The following IL20RA variants were observed in gnomAD, a reference collection of about 807,000 sequenced individuals.
The protein encoded by IL20RA is interleukin 20 receptor subunit alpha.
In IL20RA, 29 loss-of-function variants were observed where a neutral mutation model predicts 36.5. The ratio of observed to expected loss-of-function variants is 0.79; its 90% CI spans 0.59 to 1.08. The LOEUF (loss-of-function observed/expected upper bound fraction) is 1.08. Among genes scored for constraint, IL20RA ranks in the 50% least tolerant of loss-of-function variants. The probability of loss-of-function intolerance (pLI) is 0.00; values close to 1 mark genes in which losing one functional copy is unlikely to be tolerated. For synonymous variants in IL20RA, 279 were observed against 267.1 expected (o/e 1.04, Z -0.43); for missense variants, 652 against 668.4 (o/e 0.98, Z 0.27).
intron 1 of IL20RA, among the ~76,000 whole-genome samples, chr6:137,042,258 T>G (rs1776722985): frequency 6.6e-6 from 1 of 152,004 alleles, no homozygotes. Context: ...AATTAGGTGG[T>G]GTGAGATAAG....
chr6:137,021,995 G>A (rs530202991), intron 1 of IL20RA, among the ~76,000 whole-genome samples: 37 of 152,094 alleles, frequency 2.4e-4, no homozygotes, highest in Non-Finnish European at 4.9e-4. Context: ...CACACAGCTA[G>A]TAAGTGGAGG....
At chr6:137,041,631 T>C (rs1776695831) in intron 1 of IL20RA, among the ~76,000 whole-genome samples, 1 of 152,128 alleles carries the variant, frequency 6.6e-6, no homozygotes, top group Non-Finnish European at 1.5e-5. Flanking sequence ...CATGTTTGTA[T>C]CAAAGAAGAG....
Position 137,015,261 on chromosome 6 carries a change from G to A in IL20RA, c.224+1707C>T, listed in dbSNP as rs533864568. The stretch of plus-strand genomic sequence containing the variant: ...CATTACTATCACTTAGCTCTAACAG[G>A]TTTTTCATCTTGATACAGTATTTTT... On this transcript the variant is annotated intron_variant, in intron 2 of 6. Coordinates refer to ENST00000316649, the MANE Select transcript of IL20RA (RefSeq NM_014432.4). 4.6e-5 allele frequency among the ~76,000 whole-genome samples: 7 copies of A among 152,066 alleles called. No individual in the cohort carries two copies. In the South Asian group the frequency reaches 1.0e-3, roughly 23 times the overall value.
rs773632626 is a variant in IL20RA, at chr6:137,001,734, T to C, written c.1486A>G (p.Ser496Gly). The change falls in exon 7 of 7, where the codon AGC (serine) becomes GGC (glycine). Residue 496 changes from serine (S) to glycine (G), a missense_variant. Ser to Gly is a moderately conservative substitution (Grantham distance 56). Transcript: ENST00000316649. Reference protein sequence around the residue: ...TGRLCIPSLSSFDQDSEGCEP... With the variant: ...TGRLCIPSLSGFDQDSEGCEP... ...CAGCCCTCTGAATCCTGGTCGAAGC[T>C]GGACAGCGAAGGAATACACAGCCTG... The C allele has an allele frequency of 6.2e-7, 1 of 1,613,716 alleles. No individual in the cohort carries two copies. Among genetic ancestry groups the C allele is most frequent in the Non-Finnish European group, 8.5e-7 (1 of 1,179,746 alleles).
At chr6:137,033,048 A>G (rs1776355548) in intron 1 of IL20RA, among the ~76,000 whole-genome samples, 1 of 152,226 alleles carries the variant, frequency 6.6e-6, no homozygotes, top group African/African-American at 2.4e-5. Flanking sequence ...TGCCAAAACA[A>G]AGTACCACAA....
chr6:137,021,200 G>T (rs1336699923), intron 1 of IL20RA, among the ~76,000 whole-genome samples: 2 of 151,922 alleles, frequency 1.3e-5, no homozygotes, highest in Non-Finnish European at 2.9e-5. Context: ...TGTTAATTAT[G>T]GACTTTTAAT....
intron 1 of IL20RA, among the ~76,000 whole-genome samples, chr6:137,030,931 C>T (rs1318855423): frequency 6.6e-6 from 1 of 152,314 alleles, no homozygotes; most frequent in African/African-American, 2.4e-5. Flanking sequence ...ACCTCCCCTT[C>T]ACCTCCTCCA....
intron 2 of IL20RA, among the ~76,000 whole-genome samples, chr6:137,014,948 G>C (rs1186106309): frequency 6.6e-6 from 1 of 152,152 alleles, no homozygotes; most frequent in Non-Finnish European, 1.5e-5. Context: ...GTGATCTCCT[G>C]AGTTCCCACC....
chr6:137,021,043 AC>A (rs747161071), intron 1 of IL20RA, among the ~76,000 whole-genome samples: 2 of 66,444 alleles, frequency 3.0e-5, no homozygotes, highest in Non-Finnish European at 1.0e-4. Context: ...TGGTTTTGAA[AC>A]CTTTTTTTTT....
intron 1 of IL20RA, among the ~76,000 whole-genome samples, chr6:137,041,011 A>G (rs1425396924): frequency 3.3e-5 from 5 of 152,232 alleles, no homozygotes; most frequent in African/African-American, 9.6e-5. Flanking sequence ...AACATCACCA[A>G]TAAGAAGACA....
chr6:137,004,174 T>TTTTTTTTTTTTTTTG (rs1562228088), intron 6 of IL20RA, among the ~76,000 whole-genome samples: 3 of 124,450 alleles, frequency 2.4e-5, no homozygotes, highest in African/African-American at 3.1e-5. Flanking sequence ...TTTTTTTTTT[T>TTTTTTTTTTTTTTTG]TTTTTTTTTT....
chr6:137,028,602 A>G (rs1776174742), intron 1 of IL20RA, among the ~76,000 whole-genome samples: 1 of 152,178 alleles, frequency 6.6e-6, no homozygotes, highest in Non-Finnish European at 1.5e-5. Flanking sequence ...CACCTCAGTA[A>G]GTAAATCTAT....
chr6:137,042,998 T>C (rs970656794), intron 1 of IL20RA: 2 of 152,184 alleles, frequency 1.3e-5, no homozygotes. Flanking sequence ...GTCTCTTGGG[T>C]CAGAAAAGAT....
At chr6:137,029,461 C>T (rs1434082040) in intron 1 of IL20RA, among the ~76,000 whole-genome samples, 6 of 152,184 alleles carry the variant, frequency 3.9e-5, no homozygotes, top group Non-Finnish European at 5.9e-5. Flanking sequence ...GAGCTGAGAT[C>T]GCTCCACTGC....
In IL20RA at chr6:137,011,200, T is replaced by C; in HGVS notation, c.403+74A>G. 6 of 1,254,176 alleles carry C rather than the reference T, an allele frequency of 4.8e-6. No homozygotes were observed. The South Asian group carries it at 8.6e-5, about 18-fold the overall frequency. The allele number at this position is 1,254,176 out of a possible 1,614,324, so 77.7% of individuals were successfully genotyped here. A position where few individuals can be genotyped will look rare whatever the true frequency, so the allele number is the denominator to read the frequency against. ...GAGTACCTTCCTCTGGGCAAGGCTG[T>C]CTGTGAGGCTGAGACTGTTAAACCT... On this transcript the variant is annotated intron_variant, in intron 3 of 6. Coordinates refer to ENST00000316649, the MANE Select transcript of IL20RA (RefSeq NM_014432.4).
chr6:137,005,483 G>A (rs927890486), intron 5 of IL20RA, among the ~76,000 whole-genome samples: 1 of 152,162 alleles, frequency 6.6e-6, no homozygotes. Flanking sequence ...CCATTAATCA[G>A]GCCATATAGC....
chr6:137,007,882 G>A (rs955823333), intron 5 of IL20RA, among the ~76,000 whole-genome samples: 1 of 152,244 alleles, frequency 6.6e-6, no homozygotes, highest in Non-Finnish European at 1.5e-5. Flanking sequence ...CTGCTTTACA[G>A]TGGTTTTAGA....
chr6:137,011,360 T>C lies in IL20RA; in HGVS notation c.317A>G (p.His106Arg). 1 of 1,613,660 alleles carries C rather than the reference T, an allele frequency of 6.2e-7. No homozygotes were observed. Among genetic ancestry groups the C allele is most frequent in the Non-Finnish European group, 8.5e-7 (1 of 1,179,544 alleles). Reference sequence around the variant, plus strand: ...GGCCTTAACTTTGGCATAATACTGGTGTTCGTAGTCAGAAGTTTCAGCAGA... The same window carrying C: ...GGCCTTAACTTTGGCATAATACTGGCGTTCGTAGTCAGAAGTTTCAGCAGA... ...DLSAETSDYE[H>R]QYYAKVKAIW... is the part of the protein sequence containing the mutation. The change falls in exon 3 of 7, where the codon CAC becomes CGC. Residue 106 changes from histidine to arginine, a missense_variant. His to Arg is a conservative substitution (Grantham distance 29). Coordinates refer to ENST00000316649, the MANE Select transcript of IL20RA (RefSeq NM_014432.4).
intron 2 of IL20RA, among the ~76,000 whole-genome samples, chr6:137,014,384 T>G (rs530055061): frequency 9.8e-5 from 15 of 152,352 alleles, no homozygotes; most frequent in African/African-American, 3.6e-4. Flanking sequence ...ATTGTGCTTC[T>G]GTATAAACAG....
Sources: gnomAD v4.1 joint callset for allele counts (sites outside exome capture counted in the v4.1 genomes callset) on GRCh38, gnomAD v4.1.1 for gene constraint, MANE v1.5 for transcripts, NCBI Gene and HGNC (gene_info 2026-07-23, HGNC 2026-07-21) for gene names.